Variants in IFFO1 observed in about 807,000 individuals in gnomAD.
The protein encoded by IFFO1 is intermediate filament family orphan 1, also known as non-homologous end joining factor IFFO1.
In IFFO1, 42 loss-of-function variants were observed where a neutral mutation model predicts 59.6. The ratio of observed to expected loss-of-function variants is 0.70; its 90% CI spans 0.55 to 0.91. The LOEUF is 0.91. Ranked by LOEUF, IFFO1 falls within the 40% of genes least tolerant of loss-of-function variation. IFFO1 has a pLI of 0.00. For missense variants in IFFO1, 711 were observed against 793.2 expected (o/e 0.90, Z 1.24); for synonymous variants, 336 against 342.8 (o/e 0.98, Z 0.22).
rs1947381996 is a variant in IFFO1, at chr12:6,555,244, T to TC, written c.773+12dup. 7 of 1,613,650 alleles carry TC rather than the reference T, an allele frequency of 4.3e-6. No individual in the cohort carries two copies. Among genetic ancestry groups the TC allele is most frequent in the Non-Finnish European group, 5.1e-6 (6 of 1,179,718 alleles). ...TGACACAGAGAGACCTGTCCCCCTT[T>TC]CCCAATCCCTACCTCCGCTTGTACT... On this transcript the variant is annotated intron_variant, in intron 1 of 9. Transcript: ENST00000619571. The surrounding 1 kb of genome is among the most constrained non-coding windows in gnomAD (Gnocchi z 8.6).
chr12:6,548,284 G>T lies in IFFO1; in HGVS notation c.1384-124C>A. The T allele has an allele frequency of 7.4e-7, 1 of 1,346,492 alleles. No homozygotes were observed. Among genetic ancestry groups the T allele is most frequent in the South Asian group, 1.2e-5 (1 of 83,400 alleles). 83.4% of individuals were successfully genotyped at this position (1,346,492 alleles called of 1,614,324 possible). ...GGTTAAAGAAACTGGAGAAAGAAAA[G>T]CAAAAGGATAAAGGAAGAGGGGAGA... On this transcript the variant is annotated intron_variant, in intron 7 of 9. Transcript: ENST00000619571. This position sits in a 1 kb window ranked among gnomAD's most constrained non-coding sequence, Gnocchi z 6.1.
chr12:6,551,357 C>T, intron 1 of IFFO1: 1 of 1,210,742 alleles, frequency 8.3e-7, no homozygotes, highest in East Asian at 5.0e-5. Context: ...CCACCTCCTG[C>T]CCACACCAGA....
chr12:6,555,457 G>T lies in IFFO1; in HGVS notation c.573C>A (p.Phe191Leu). ...TSTTYSSSAR[F>L]MPGTIWSFSH... ...AGAACGACCAGATGGTGCCGGGCAT[G>T]AAGCGGGCCGACGAGGAATAGGTGG... The change falls in exon 1 of 10, where the codon TTC becomes TTA. Residue 191 changes from phenylalanine to leucine, a missense_variant. By Grantham distance (22) the Phe-to-Leu change is conservative. Coordinates refer to ENST00000619571, the MANE Select transcript of IFFO1 (RefSeq NM_001193457.2). The surrounding 1 kb of genome is among the most constrained non-coding windows in gnomAD (Gnocchi z 8.6). 8 of 1,613,608 alleles carry T rather than the reference G, an allele frequency of 5.0e-6. No homozygotes were observed. Among genetic ancestry groups the T allele is most frequent in the Non-Finnish European group, 6.8e-6 (8 of 1,179,766 alleles).
downstream of IFFO1, chr12:6,539,153 G>A (rs899892455): frequency 6.6e-6 from 1 of 152,064 alleles, no homozygotes; most frequent in Non-Finnish European, 1.5e-5. Context: ...TGCTTACCTA[G>A]TGGAGACAAA....
At position 6,555,889 on chromosome 12, in the gene IFFO1, G is replaced by T; in HGVS notation, c.141C>A (p.Gly47=). 9 of 1,584,126 alleles carry T rather than the reference G, an allele frequency of 5.7e-6. No individual in the cohort carries two copies. Among genetic ancestry groups the T allele is most frequent in the Non-Finnish European group, 7.7e-6 (9 of 1,168,444 alleles). Residue 47 remains glycine, a synonymous_variant, in exon 1 of 10, where the codon GGC becomes GGA. Transcript: ENST00000619571. This position sits in a 1 kb window ranked among gnomAD's most constrained non-coding sequence, Gnocchi z 8.6. ...GCCCGGGCGGCGAGTAGGCAGCAGG[G>T]CCGGCCGGCGAGAGAGGCGCCGGGG... ...DLPPAPLSPA[G]PAAYSPPGPG...
chr12:6,548,042 C>G lies in IFFO1; in HGVS notation c.1479+23G>C. Reference sequence around the variant, plus strand: ...CAAAACCCTCTGGGACACCACGCCCCTGGCTTCCGCTCCTGCCCTTACCTC... The same window carrying G: ...CAAAACCCTCTGGGACACCACGCCCGTGGCTTCCGCTCCTGCCCTTACCTC... On this transcript the variant is annotated intron_variant, in intron 8 of 9. Transcript: ENST00000619571. The surrounding 1 kb of genome is among the most constrained non-coding windows in gnomAD (Gnocchi z 6.1). 6.3e-7 allele frequency: 1 copy of G among 1,590,162 alleles called. No homozygotes were observed. Among genetic ancestry groups the G allele is most frequent in the Non-Finnish European group, 8.6e-7 (1 of 1,158,294 alleles).
intron 1 of IFFO1, among the ~76,000 whole-genome samples, chr12:6,553,495 G>GAC (rs947119897): frequency 7.9e-5 from 12 of 151,982 alleles, no homozygotes; most frequent in Non-Finnish European, 8.8e-5. Context: ...AACTCCCAAG[G>GAC]ACACATAACA....
In IFFO1 at chr12:6,542,296, G is replaced by A. The variant is rs199906428; in HGVS notation, c.1480-654C>T. Among the ~76,000 whole-genome samples the A allele has an allele frequency of 2.0e-4, 30 of 152,312 alleles. No homozygotes were observed. In the East Asian group the frequency reaches 5.0e-3, roughly 25 times the overall value. ...TGTCCTGATTTCAGAAATGTCACAC[G>A]TGGAAAACACGGGGCTCAGAATCAA... On this transcript the variant is annotated intron_variant, in intron 8 of 9. Coordinates refer to ENST00000619571, the MANE Select transcript of IFFO1 (RefSeq NM_001193457.2).
At position 6,540,585 on chromosome 12, in the gene IFFO1, C is replaced by T. The variant is rs781098187; in HGVS notation, c.1614G>A (p.Lys538=). The T allele has an allele frequency of 5.0e-6, 8 of 1,613,126 alleles. No homozygotes were observed. Among genetic ancestry groups the T allele is most frequent in the Non-Finnish European group, 5.1e-6 (6 of 1,179,754 alleles). ...RRLITQSGDR[K]SPAFTAVPLS... The stretch of plus-strand genomic sequence containing the variant: ...GCGGGACCGCAGTGAAAGCAGGAGA[C>T]TTTCTAGAAAAAAACACCAGTTGTC... Residue 538 remains lysine, a synonymous_variant, in exon 10 of 10, where the codon AAG becomes AAA. Coordinates refer to ENST00000619571, the MANE Select transcript of IFFO1 (RefSeq NM_001193457.2).
chr12:6,547,516 G>A (rs1227638691), intron 8 of IFFO1, among the ~76,000 whole-genome samples: 2 of 152,088 alleles, frequency 1.3e-5, no homozygotes, highest in African/African-American at 4.8e-5. Flanking sequence ...AAGAGTTTAA[G>A]ACCTGCCTGG....
chr12:6,553,885 G>A (rs1399800546), intron 1 of IFFO1, among the ~76,000 whole-genome samples: 1 of 152,116 alleles, frequency 6.6e-6, no homozygotes, highest in East Asian at 1.9e-4. Context: ...TGCTTTCACG[G>A]GAGACAGAGC....
At chr12:6,539,335 C>T (rs1946587471), downstream of IFFO1, 1 of 152,162 alleles carries the variant, frequency 6.6e-6, no homozygotes, top group African/African-American at 2.4e-5. Context: ...GCCTATAGTC[C>T]CAGCTACAGG....
chr12:6,547,392 AAAAG>A (rs138452442), intron 8 of IFFO1, among the ~76,000 whole-genome samples: 50,688 of 150,684 alleles, frequency 0.34, 9,204 homozygotes, highest in East Asian at 0.49. Flanking sequence ...CTGTCTCAAA[AAAAG>A]AAAGAAAGAA....
At chr12:6,552,452 C>T (rs942276504) in intron 1 of IFFO1, among the ~76,000 whole-genome samples, 3 of 152,186 alleles carry the variant, frequency 2.0e-5, no homozygotes, top group Non-Finnish European at 4.4e-5. Flanking sequence ...CATTCTCATG[C>T]ATACAGTCAG....
At position 6,550,655 on chromosome 12, in the gene IFFO1, G is replaced by A. The variant is rs570940366; in HGVS notation, c.930+40C>T. 3.3e-6 allele frequency: 5 copies of A among 1,517,134 alleles called. No individual in the cohort carries two copies. The Admixed American group carries it at 5.1e-5, about 15-fold the overall frequency. The allele number at this position is 1,517,134 out of a possible 1,614,324, so 94.0% of individuals were successfully genotyped here. A position where few individuals can be genotyped will look rare whatever the true frequency, so the allele number is the denominator to read the frequency against. On this transcript the variant is annotated intron_variant, in intron 3 of 9. Transcript: ENST00000619571. ...AGGGCCTACTCTTCTGGCCTCAGAA[G>A]CCTCACTTCGACCCTCGGGAAGCCT...
At chr12:6,543,518 T>A (rs559669775) in intron 8 of IFFO1, 6 of 154,502 alleles carry the variant, frequency 3.9e-5, no homozygotes, top group East Asian at 1.9e-4. Context: ...GTGCTCCTTA[T>A]GAGAATCTAA....
intron 8 of IFFO1, chr12:6,544,994 C>T (rs1565566131): frequency 6.6e-6 from 1 of 152,086 alleles, no homozygotes; most frequent in Non-Finnish European, 1.5e-5. Context: ...GCGGGTGGAT[C>T]ACGAGGTCAG....
intron 1 of IFFO1, among the ~76,000 whole-genome samples, chr12:6,552,448 C>T (rs529407521): frequency 6.6e-6 from 1 of 152,314 alleles, no homozygotes; most frequent in African/African-American, 2.4e-5. Context: ...CTGGCATTCT[C>T]ATGCATACAG....
At chr12:6,545,776 T>C (rs1281900982) in intron 8 of IFFO1, among the ~76,000 whole-genome samples, 2 of 151,980 alleles carry the variant, frequency 1.3e-5, no homozygotes, top group African/African-American at 4.8e-5. Context: ...ACACTGTCTA[T>C]ACTGCCTGCC....
Sources: gnomAD v4.1 joint callset for allele counts (sites outside exome capture counted in the v4.1 genomes callset) on GRCh38, gnomAD v4.1.1 for gene constraint, Gnocchi (gnomAD v3.1) non-coding constraint, MANE v1.5 for transcripts, NCBI Gene and HGNC (gene_info 2026-07-23, HGNC 2026-07-21) for gene names.